Variants in ARHGEF4 observed in about 807,000 individuals in gnomAD.
The protein encoded by ARHGEF4 is Rho guanine nucleotide exchange factor 4, also known as APC-stimulated guanine nucleotide exchange factor 1.
ARHGEF4 carries 119 observed loss-of-function variants against 162.0 expected under a neutral mutation model. The ratio of observed to expected loss-of-function variants is 0.73; its 90% CI spans 0.63 to 0.86. The LOEUF (loss-of-function observed/expected upper bound fraction) is 0.86. Ranked by LOEUF, ARHGEF4 falls within the 40% of genes least tolerant of loss-of-function variation. The pLI is 0.00. For missense variants in ARHGEF4, 2,488 were observed against 2,456.0 expected (o/e 1.01, Z -0.28); for synonymous variants, 1,014 against 979.9 (o/e 1.03, Z -0.65).
rs566569823 is a variant in ARHGEF4 at position 131,014,970 on chromosome 2, G to A, written c.3986-12975G>A. On this transcript the variant is annotated intron_variant, in intron 4 of 13. Coordinates refer to ENST00000409359, the MANE Select transcript of ARHGEF4 (RefSeq NM_001367493.1). ...AGCAGTTTTCCCCTGCCCTGGCTGC[G>A]GGTTGCCTGAGGGACCTCAGCATGT... Among the ~76,000 whole-genome samples the A allele has an allele frequency of 4.8e-4, 73 of 152,244 alleles. No individual in the cohort carries two copies. The South Asian group carries it at 6.8e-3, about 14-fold the overall frequency.
At chr2:130,869,929 G>T (rs373030196) in intron 1 of ARHGEF4, among the ~76,000 whole-genome samples, 15 of 152,304 alleles carry the variant, frequency 9.8e-5, no homozygotes, top group Non-Finnish European at 5.9e-5. Context: ...GCTGAACAAG[G>T]CCCCCTCCGT....
chr2:130,953,949 TTGG>T (rs1412187080), intron 4 of ARHGEF4, among the ~76,000 whole-genome samples: 1 of 152,244 alleles, frequency 6.6e-6, no homozygotes, highest in Non-Finnish European at 1.5e-5. Flanking sequence ...TCTTACACTG[TTGG>T]TGGGAGTGTA....
At chr2:131,044,216 T>C (rs1038873953) in intron 11 of ARHGEF4, 83 bp from the exon 12 acceptor site, 19 of 1,557,832 alleles carry the variant, frequency 1.2e-5, no homozygotes, top group African/African-American at 4.1e-5. Flanking sequence ...GCCCCTCCTA[T>C]GGCTGGGGAG....
chr2:130,898,813 G>A (rs1680312846), intron 1 of ARHGEF4, among the ~76,000 whole-genome samples: 2 of 152,102 alleles, frequency 1.3e-5, no homozygotes, highest in Non-Finnish European at 2.9e-5. Context: ...TCACACACTC[G>A]CACAGCTGAT....
chr2:130,916,249 G>A lies in ARHGEF4; in HGVS notation c.2303G>A (p.Arg768His), dbSNP rs1030031712. ...GAAAARGQRP[R>H]VPALEPPQPP... The stretch of plus-strand genomic sequence containing the variant: ...GCAGCAGCCCGGGGCCAGCGCCCCC[G>A]CGTCCCCGCCTTGGAGCCGCCCCAG... Residue 768 changes from arginine to histidine, a missense_variant, in exon 2 of 14, where the codon CGC (arginine) becomes CAC (histidine). Coordinates refer to ENST00000409359, the MANE Select transcript of ARHGEF4 (RefSeq NM_001367493.1). The A allele has an allele frequency of 3.3e-5, 50 of 1,526,310 alleles. No homozygotes were observed. The highest frequency in any genetic ancestry group is 3.5e-5 in the Non-Finnish European group (40 of 1,138,814). The allele number at this position is 1,526,310 out of a possible 1,614,324, so 94.5% of individuals were successfully genotyped here.
intron 3 of ARHGEF4, among the ~76,000 whole-genome samples, chr2:130,933,022 C>T (rs1682725233): frequency 6.6e-6 from 1 of 152,076 alleles, no homozygotes; most frequent in Non-Finnish European, 1.5e-5. Context: ...TCGACGTCAG[C>T]CTGGACAACA....
intron 3 of ARHGEF4, among the ~76,000 whole-genome samples, chr2:130,932,435 C>T (rs1476030213): frequency 6.6e-6 from 1 of 152,218 alleles, no homozygotes; most frequent in Non-Finnish European, 1.5e-5. Context: ...TCTCGAACTC[C>T]TGGCCTCAAG....
chr2:130,849,096 A>T (rs1681205473), intron 1 of ARHGEF4, among the ~76,000 whole-genome samples: 1 of 151,776 alleles, frequency 6.6e-6, no homozygotes, highest in African/African-American at 2.4e-5. Context: ...AGCCAAGAGC[A>T]CCTCTTCCCA....
intron 1 of ARHGEF4, among the ~76,000 whole-genome samples, chr2:130,839,199 CTCA>C (rs1162962388): frequency 5.9e-5 from 9 of 152,256 alleles, no homozygotes; most frequent in African/African-American, 2.2e-4. Context: ...ACTTGTTCCT[CTCA>C]GACACTGGTC....
chr2:131,003,590 C>T (rs1346071693), intron 4 of ARHGEF4, among the ~76,000 whole-genome samples: 3 of 152,174 alleles, frequency 2.0e-5, no homozygotes, highest in South Asian at 2.1e-4. Flanking sequence ...CCATACTTGC[C>T]TGTCAATGAG....
At chr2:131,013,274 C>A (rs1376245185) in intron 4 of ARHGEF4, among the ~76,000 whole-genome samples, 2 of 152,148 alleles carry the variant, frequency 1.3e-5, no homozygotes, top group Non-Finnish European at 2.9e-5. Context: ...TTAGGCATTT[C>A]TTTAAAATAA....
chr2:130,954,237 G>GTTCC (rs1257518846), intron 4 of ARHGEF4, among the ~76,000 whole-genome samples: 1 of 152,198 alleles, frequency 6.6e-6, no homozygotes, highest in African/African-American at 2.4e-5. Context: ...AAAAGGATGA[G>GTTCC]TTCCTGTCCT....
intron 1 of ARHGEF4, among the ~76,000 whole-genome samples, chr2:130,856,867 A>G (rs1681827801): frequency 6.6e-6 from 1 of 152,250 alleles, no homozygotes; most frequent in Non-Finnish European, 1.5e-5. Context: ...ACAAAGCTGC[A>G]GTGGAGCTTA....
chr2:130,977,956 T>C lies in ARHGEF4; in HGVS notation c.3985+31321T>C, dbSNP rs189557237. Among the ~76,000 whole-genome samples, 6 of 152,300 alleles carry C rather than the reference T, an allele frequency of 3.9e-5. No individual in the cohort carries two copies. The East Asian group carries it at 1.2e-3, about 29-fold the overall frequency. ...GACCAACTAAAACTAGGGCTTTATGTAGGAGGGAAGAAATGTAACAGTGTG... is the reference window on the plus strand; with the variant it reads ...GACCAACTAAAACTAGGGCTTTATGCAGGAGGGAAGAAATGTAACAGTGTG... On this transcript the variant is annotated intron_variant, in intron 4 of 13. Coordinates refer to ENST00000409359, the MANE Select transcript of ARHGEF4 (RefSeq NM_001367493.1).
At chr2:130,911,012 T>G (rs6430416) in intron 1 of ARHGEF4, among the ~76,000 whole-genome samples, 137,207 of 152,244 alleles carry the variant, frequency 0.9, 62,547 homozygotes, top group East Asian at 1. Context: ...AAAGTGTGCA[T>G]ATTAAATGTA....
chr2:130,931,472 A>G (rs2105104745), intron 3 of ARHGEF4, among the ~76,000 whole-genome samples: 1 of 152,298 alleles, frequency 6.6e-6, no homozygotes, highest in African/African-American at 2.4e-5. Flanking sequence ...CCCCAGAGCC[A>G]CAGAAGCCAG....
intron 4 of ARHGEF4, among the ~76,000 whole-genome samples, chr2:130,998,007 T>C (rs1279347302): frequency 6.6e-6 from 1 of 152,148 alleles, no homozygotes; most frequent in East Asian, 1.9e-4. Flanking sequence ...ATGGATTCAC[T>C]CTGTGTGTCA....
intron 4 of ARHGEF4, among the ~76,000 whole-genome samples, chr2:130,995,043 T>C (rs1042184517): frequency 2.0e-5 from 3 of 152,252 alleles, no homozygotes; most frequent in Non-Finnish European, 4.4e-5. Context: ...TTACAGTCCA[T>C]AGGGATTCTT....
At chr2:131,036,003 C>T (rs1225732566) in intron 5 of ARHGEF4, among the ~76,000 whole-genome samples, 7 of 152,190 alleles carry the variant, frequency 4.6e-5, no homozygotes, top group Non-Finnish European at 5.9e-5. Context: ...CCATTGGGAC[C>T]TTCTCCCACA....
Sources: gnomAD v4.1 joint callset for allele counts (sites outside exome capture counted in the v4.1 genomes callset) on GRCh38, gnomAD v4.1.1 for gene constraint, MANE v1.5 for transcripts, NCBI Gene and HGNC (gene_info 2026-07-23, HGNC 2026-07-21) for gene names.